The following BMPR1B variants were observed in gnomAD, a reference collection of about 807,000 sequenced individuals.
The protein encoded by BMPR1B is bone morphogenetic protein receptor type-1B.
Under a neutral mutation model 59.1 loss-of-function variants are expected in BMPR1B, and 12 were observed. The ratio of observed to expected loss-of-function variants is 0.20; its 90% CI spans 0.13 to 0.33. The LOEUF (loss-of-function observed/expected upper bound fraction) is 0.33. Among genes scored for constraint, BMPR1B ranks in the 10% least tolerant of loss-of-function variants. The probability of loss-of-function intolerance (pLI) is 1.00; values close to 1 mark genes in which losing one functional copy is unlikely to be tolerated. For synonymous variants in BMPR1B, 237 were observed against 207.3 expected (o/e 1.14, Z -1.23); for missense variants, 550 against 610.9 (o/e 0.90, Z 1.05).
At chr4:94,817,633 A>G (rs1724059175) in intron 1 of BMPR1B, among the ~76,000 whole-genome samples, 1 of 151,736 alleles carries the variant, frequency 6.6e-6, no homozygotes, top group Non-Finnish European at 1.5e-5. Flanking sequence ...TCATTGATGG[A>G]CCTGTGCCTG....
intron 2 of BMPR1B, among the ~76,000 whole-genome samples, chr4:94,942,656 G>A (rs1729563131): frequency 6.6e-6 from 1 of 152,138 alleles, no homozygotes; most frequent in African/African-American, 2.4e-5. Context: ...ATGTTAAAAT[G>A]TCATCTTATA....
At chr4:95,153,901 G>A (rs989383) in intron 12 of BMPR1B, among the ~76,000 whole-genome samples, 69,259 of 152,024 alleles carry the variant, frequency 0.46, 17,465 homozygotes, top group Admixed American at 0.59. Flanking sequence ...TTTTGTGTCT[G>A]GTTACTAAAA....
chr4:94,925,493 C>A (rs1728850067), intron 2 of BMPR1B, among the ~76,000 whole-genome samples: 1 of 152,086 alleles, frequency 6.6e-6, no homozygotes, highest in African/African-American at 2.4e-5. Context: ...GGCTTCCAAA[C>A]CTTAGCCAGT....
chr4:94,905,699 C>T (rs911480957), intron 2 of BMPR1B, among the ~76,000 whole-genome samples: 2 of 151,938 alleles, frequency 1.3e-5, no homozygotes, highest in Non-Finnish European at 2.9e-5. Context: ...ATACTCAGGA[C>T]GTCTCACACA....
chr4:94,789,676 T>C (rs1722901755), intron 1 of BMPR1B, among the ~76,000 whole-genome samples: 1 of 152,180 alleles, frequency 6.6e-6, no homozygotes, highest in South Asian at 2.1e-4. Flanking sequence ...ATGTATAATA[T>C]AACCACATTT....
chr4:95,153,122 C>G (rs1319909975), intron 12 of BMPR1B, among the ~76,000 whole-genome samples: 2 of 152,170 alleles, frequency 1.3e-5, no homozygotes, highest in East Asian at 3.9e-4. Flanking sequence ...CTGTGACAAA[C>G]CCATGTACAG....
intron 10 of BMPR1B, among the ~76,000 whole-genome samples, chr4:95,142,772 A>G (rs973806792): frequency 6.7e-6 from 1 of 150,070 alleles, no homozygotes; most frequent in East Asian, 2.0e-4. Flanking sequence ...TTTATGGTAC[A>G]GTGGGGAAAG....
intron 4 of BMPR1B, among the ~76,000 whole-genome samples, chr4:95,114,304 CT>C (rs1036426129): frequency 3.3e-5 from 5 of 152,150 alleles, no homozygotes; most frequent in African/African-American, 7.2e-5. Flanking sequence ...CTCAAGCCCC[CT>C]GAGCCTCAGT....
intron 3 of BMPR1B, among the ~76,000 whole-genome samples, chr4:95,025,255 C>A (rs950057213): frequency 1.3e-5 from 2 of 152,088 alleles, no homozygotes; most frequent in Admixed American, 1.3e-4. Flanking sequence ...GAGGCCAAAC[C>A]ATGTCGTTCA....
rs1458772834 is a variant in BMPR1B at position 95,152,685 on chromosome 4, C to T, written c.1295C>T (p.Pro432Leu). The change falls in exon 12 of 13, where the codon CCC becomes CTC. Residue 432 changes from proline to leucine, a missense_variant. By Grantham distance (98) the Pro-to-Leu change is moderately conservative. This residue lies in a region of BMPR1B where 123 missense variants were observed against 164.6 expected (regional missense o/e 0.75). Coordinates refer to ENST00000515059, the MANE Select transcript of BMPR1B (RefSeq NM_001203.3). ...CAGCTTCCTTATCATGACCTAGTGC[C>T]CAGTGACCCCTCTTATGAGGACATG... Reference protein sequence around the residue: ...EYQLPYHDLVPSDPSYEDMRE... With the variant: ...EYQLPYHDLVLSDPSYEDMRE... 10 of 1,587,992 alleles carry T rather than the reference C, an allele frequency of 6.3e-6. No homozygotes were observed. In the South Asian group the frequency reaches 9.2e-5, roughly 15 times the overall value.
intron 3 of BMPR1B, among the ~76,000 whole-genome samples, chr4:95,076,977 C>T (rs1214103231): frequency 6.6e-6 from 1 of 152,004 alleles, no homozygotes; most frequent in Non-Finnish European, 1.5e-5. Context: ...TTTTTATTTG[C>T]TTTACTTTAT....
intron 1 of BMPR1B, among the ~76,000 whole-genome samples, chr4:94,835,866 G>A (rs986821614): frequency 3.7e-4 from 56 of 150,290 alleles, no homozygotes; most frequent in African/African-American, 1.3e-3. Context: ...CCACTAACTC[G>A]TCATCTAGCA....
chr4:94,765,308 A>T (rs1721927569), intron 1 of BMPR1B, among the ~76,000 whole-genome samples: 1 of 152,190 alleles, frequency 6.6e-6, no homozygotes, highest in Non-Finnish European at 1.5e-5. Context: ...GATCATCTGT[A>T]TCATTTTGTG....
intron 10 of BMPR1B, among the ~76,000 whole-genome samples, chr4:95,147,349 A>G (rs1734720961): frequency 1.3e-5 from 2 of 152,220 alleles, no homozygotes; most frequent in Non-Finnish European, 2.9e-5. Flanking sequence ...ATGACAAAAA[A>G]TGACACCATG....
intron 4 of BMPR1B, among the ~76,000 whole-genome samples, chr4:95,110,284 A>G (rs1454364399): frequency 6.6e-6 from 1 of 151,952 alleles, no homozygotes; most frequent in African/African-American, 2.4e-5. Context: ...AATTATACTA[A>G]TGCTGGTTGA....
At chr4:94,895,680 T>A (rs13114040) in intron 2 of BMPR1B, among the ~76,000 whole-genome samples, 22,363 of 149,686 alleles carry the variant, frequency 0.15, 1,847 homozygotes, top group South Asian at 0.2. Context: ...TTTTTTTTTT[T>A]AAAAATAGGC....
chr4:95,131,621 T>G (rs758777740), intron 10 of BMPR1B, 109 bp downstream of exon 10: 173 of 1,305,484 alleles, frequency 1.3e-4, no homozygotes, highest in Non-Finnish European at 1.7e-4. Context: ...ATCATTAATT[T>G]TGACATTTGA....
chr4:94,978,959 CA>C (rs1364934773), intron 2 of BMPR1B, among the ~76,000 whole-genome samples: 1 of 151,686 alleles, frequency 6.6e-6, no homozygotes, highest in East Asian at 1.9e-4. Context: ...TACACACACA[CA>C]CACACACACA....
chr4:94,794,858 T>C (rs1213246754), intron 1 of BMPR1B, among the ~76,000 whole-genome samples: 9 of 145,382 alleles, frequency 6.2e-5, no homozygotes, highest in Non-Finnish European at 1.4e-4. Context: ...GTGATTTTTG[T>C]ACATTGATTT....
Sources: gnomAD v4.1 joint callset for allele counts (sites outside exome capture counted in the v4.1 genomes callset) on GRCh38, gnomAD v4.1.1 for gene constraint, gnomAD v4.1.1 regional missense constraint, MANE v1.5 for transcripts, NCBI Gene and HGNC (gene_info 2026-07-23, HGNC 2026-07-21) for gene names.